The following MAP3K7 variants were observed in gnomAD, a reference collection of about 807,000 sequenced individuals.
The protein encoded by MAP3K7 is TGF-beta activated kinase 1.
A neutral mutation model predicts 84.8 loss-of-function variants in MAP3K7; 21 were observed. The ratio of observed to expected loss-of-function variants is 0.25; its 90% CI spans 0.18 to 0.36. MAP3K7 has a LOEUF of 0.36. Ranked by LOEUF, MAP3K7 falls within the 10% of genes least tolerant of loss-of-function variation. MAP3K7 has a pLI of 1.00. For missense variants in MAP3K7, 503 were observed against 747.7 expected (o/e 0.67, Z 3.82); for synonymous variants, 241 against 247.7 (o/e 0.97, Z 0.25).
At chr6:90,546,129 T>C (rs1284895161) in intron 11 of MAP3K7, among the ~76,000 whole-genome samples, 1 of 152,202 alleles carries the variant, frequency 6.6e-6, no homozygotes, top group South Asian at 2.1e-4. Context: ...TTATGTGTTA[T>C]AGACACTGTT....
chr6:90,554,709 C>A lies in MAP3K7; in HGVS notation c.608-1123G>T, dbSNP rs150593394. On this transcript the variant is annotated intron_variant, in intron 6 of 16. Transcript: ENST00000369329. ...AAATTAATCTTTTGTATAAACAAAT[C>A]TTTTTGCTCTCCACATACAGTAACA... 1.0e-3 allele frequency among the ~76,000 whole-genome samples: 157 copies of A among 152,272 alleles called. 1 individual carries two copies. Among genetic ancestry groups the A allele is most frequent in the African/African-American group, 3.4e-3 (143 of 41,558 alleles).
chr6:90,523,364 T>A (rs1775214938), intron 14 of MAP3K7, among the ~76,000 whole-genome samples: 2 of 152,008 alleles, frequency 1.3e-5, no homozygotes, highest in Admixed American at 6.6e-5. Context: ...TCTAGTAGGA[T>A]GAATCTAGTA....
intron 1 of MAP3K7, among the ~76,000 whole-genome samples, chr6:90,583,369 C>T (rs983957178): frequency 7.2e-5 from 11 of 152,294 alleles, no homozygotes; most frequent in Admixed American, 2.0e-4. Context: ...GCAACTGACT[C>T]ACAAGTGAGA....
intron 14 of MAP3K7, 80 bp from the exon 15 acceptor site, chr6:90,519,399 C>CT: frequency 3.5e-6 from 3 of 856,806 alleles, no homozygotes; most frequent in African/African-American, 1.8e-5. Context: ...GAATGAAATG[C>CT]TTTTTTTCCC....
intron 14 of MAP3K7, among the ~76,000 whole-genome samples, chr6:90,519,773 C>T (rs957551201): frequency 1.3e-5 from 2 of 151,964 alleles, no homozygotes; most frequent in East Asian, 1.9e-4. Context: ...AGCAGAGACA[C>T]ATTCTCTTCC....
chr6:90,556,471 T>A (rs368491983), intron 6 of MAP3K7, 29 bp downstream of exon 6: 1 of 1,602,806 alleles, frequency 6.2e-7, no homozygotes, highest in East Asian at 2.2e-5. Context: ...AGGGAGATTA[T>A]CAAACATACC....
chr6:90,551,966 T>C, intron 8 of MAP3K7, 83 bp downstream of exon 8: 1 of 1,450,706 alleles, frequency 6.9e-7, no homozygotes, highest in Non-Finnish European at 9.4e-7. Context: ...AATATAGTAA[T>C]AACATCCCTT....
At chr6:90,561,077 C>T (rs1562100592) in intron 4 of MAP3K7, among the ~76,000 whole-genome samples, 3 of 151,684 alleles carry the variant, frequency 2.0e-5, no homozygotes, top group Non-Finnish European at 2.9e-5. Flanking sequence ...TAAAATGTAA[C>T]AATTTGTTTT....
chr6:90,568,069 G>A (rs1382111668), intron 3 of MAP3K7, among the ~76,000 whole-genome samples: 1 of 102,222 alleles, frequency 9.8e-6, no homozygotes, highest in East Asian at 2.3e-4. Context: ...GTTGTGGGGT[G>A]GGGAGAGGTG....
At chr6:90,532,402 C>T (rs1405557586) in intron 13 of MAP3K7, among the ~76,000 whole-genome samples, 1 of 152,144 alleles carries the variant, frequency 6.6e-6, no homozygotes, top group East Asian at 1.9e-4. Flanking sequence ...GGCACTTTCA[C>T]ATCTGTTAAG....
At chr6:90,580,062 T>G (rs1777218299) in intron 1 of MAP3K7, among the ~76,000 whole-genome samples, 1 of 152,232 alleles carries the variant, frequency 6.6e-6, no homozygotes, top group African/African-American at 2.4e-5. Flanking sequence ...AATATCTTGG[T>G]AACAAATTTC....
chr6:90,563,942 C>T (rs886934159), intron 3 of MAP3K7, among the ~76,000 whole-genome samples: 1 of 152,124 alleles, frequency 6.6e-6, no homozygotes, highest in Non-Finnish European at 1.5e-5. Flanking sequence ...GAATTTTCAA[C>T]CCAGAATTTC....
At chr6:90,569,549 T>C (rs1776832136) in intron 2 of MAP3K7, among the ~76,000 whole-genome samples, 1 of 152,220 alleles carries the variant, frequency 6.6e-6, no homozygotes, top group Admixed American at 6.6e-5. Context: ...GGTACAATCT[T>C]GGGTCACTGC....
At chr6:90,516,825 C>T in intron 16 of MAP3K7, 144 bp from the exon 17 acceptor site, 6 of 605,644 alleles carry the variant, frequency 9.9e-6, no homozygotes, top group Middle Eastern at 4.5e-4. Flanking sequence ...TAATTATGGG[C>T]TGGGATGGAA....
At chr6:90,561,540 A>G in intron 4 of MAP3K7, 82 bp downstream of exon 4, 1 of 1,024,326 alleles carries the variant, frequency 9.8e-7, no homozygotes, top group Non-Finnish European at 1.5e-6. Flanking sequence ...ATTGTGAAGA[A>G]TGTTAAACAA....
At chr6:90,551,889 TTCC>T in intron 8 of MAP3K7, 157 bp downstream of exon 8, 2 of 710,422 alleles carry the variant, frequency 2.8e-6, no homozygotes, top group Non-Finnish European at 4.2e-6. Flanking sequence ...CTCGAAATGT[TTCC>T]TCTTCTGACT....
intron 5 of MAP3K7, among the ~76,000 whole-genome samples, chr6:90,556,858 C>A (rs954934291): frequency 1.3e-5 from 2 of 152,178 alleles, no homozygotes; most frequent in Non-Finnish European, 2.9e-5. Context: ...GCTAGACTCA[C>A]ATTCTGATGT....
Position 90,536,213 on chromosome 6 carries a change from C to G in MAP3K7, c.1356+124G>C. 7.7e-6 allele frequency: 5 copies of G among 649,398 alleles called. No individual in the cohort carries two copies. The South Asian group carries it at 1.0e-4, about 14-fold the overall frequency. 40.2% of individuals were successfully genotyped at this position (649,398 alleles called of 1,614,324 possible). On this transcript the variant is annotated intron_variant, in intron 13 of 16. Coordinates refer to ENST00000369329, the MANE Select transcript of MAP3K7 (RefSeq NM_145331.3). The stretch of plus-strand genomic sequence containing the variant: ...CCCCCTAAGTATTTAAGTTCAGGTG[C>G]AATGAATTTCTCTATCACAACTTTA...
At chr6:90,564,971 C>T (rs1041660169) in intron 3 of MAP3K7, among the ~76,000 whole-genome samples, 15 of 152,004 alleles carry the variant, frequency 9.9e-5, no homozygotes, top group Non-Finnish European at 1.9e-4. Flanking sequence ...GGGTACGTAA[C>T]GAAATGAAGG....
Sources: gnomAD v4.1 joint callset for allele counts (sites outside exome capture counted in the v4.1 genomes callset) on GRCh38, gnomAD v4.1.1 for gene constraint, MANE v1.5 for transcripts, NCBI Gene and HGNC (gene_info 2026-07-23, HGNC 2026-07-21) for gene names.